The following PRKCH variants were observed in gnomAD, a reference collection of about 807,000 sequenced individuals.
PRKCH encodes protein kinase C eta, also known as protein kinase C eta type.
A neutral mutation model predicts 82.5 loss-of-function variants in PRKCH; 28 were observed. The observed-to-expected ratio is 0.34, with a 90% confidence interval of 0.25 to 0.47. The LOEUF is 0.47. PRKCH is among the 20% of genes least tolerant of loss of function. The pLI, the probability that PRKCH is intolerant of heterozygous loss-of-function variation, is 1.00. For synonymous variants in PRKCH, 322 were observed against 327.4 expected (o/e 0.98, Z 0.18); for missense variants, 705 against 881.8 (o/e 0.80, Z 2.54).
At chr14:61,512,239 T>A (rs1594775524) in intron 10 of PRKCH, among the ~76,000 whole-genome samples, 1 of 147,802 alleles carries the variant, frequency 6.8e-6, no homozygotes, top group Non-Finnish European at 1.5e-5. Context: ...GGGCAGATGA[T>A]CACATGACCC....
chr14:61,209,913 A>G (rs554655626), intron 1 of PRKCH, among the ~76,000 whole-genome samples: 1 of 151,226 alleles, frequency 6.6e-6, no homozygotes, highest in African/African-American at 2.4e-5. Flanking sequence ...GCAGTATTTG[A>G]TTTTCTGAGT....
At chr14:61,240,103 G>A (rs1161885701) in intron 1 of PRKCH, among the ~76,000 whole-genome samples, 3 of 152,138 alleles carry the variant, frequency 2.0e-5, no homozygotes, top group African/African-American at 7.2e-5. Flanking sequence ...ATGGTGATAC[G>A]GCTCCAGTGA....
At chr14:61,441,316 A>G (rs1353969297) in intron 2 of PRKCH, among the ~76,000 whole-genome samples, 1 of 152,200 alleles carries the variant, frequency 6.6e-6, no homozygotes, top group Non-Finnish European at 1.5e-5. Context: ...CCTGATTTCT[A>G]GATGGGAACC....
At position 61,346,969 on chromosome 14, in the gene PRKCH, T is replaced by C. The variant is rs138134687; in HGVS notation, c.363+24505T>C. 6.2e-3 allele frequency among the ~76,000 whole-genome samples: 947 copies of C among 151,952 alleles called. 6 individuals are homozygous for C. The highest frequency in any genetic ancestry group is 0.011 in the Non-Finnish European group (735 of 67,744). ...TGTTGATGTCCTCACAAGCATTGTT[T>C]AGGAATGGCTTAGGAATTTTACCGT... On this transcript the variant is annotated intron_variant, in intron 1 of 13. Coordinates refer to ENST00000332981, the MANE Select transcript of PRKCH (RefSeq NM_006255.5).
At chr14:61,360,984 G>T (rs543155713) in intron 1 of PRKCH, 2 of 152,350 alleles carry the variant, frequency 1.3e-5, no homozygotes, top group African/African-American at 4.8e-5. Flanking sequence ...AGCTACGCAC[G>T]GAAAGTAGGG....
At chr14:61,454,124 T>C (rs1460182123) in intron 7 of PRKCH, among the ~76,000 whole-genome samples, 1 of 152,072 alleles carries the variant, frequency 6.6e-6, no homozygotes, top group African/African-American at 2.4e-5. Context: ...CTATTTGTTT[T>C]TTGAGACAGA....
chr14:61,350,624 C>G (rs183546697), intron 1 of PRKCH, among the ~76,000 whole-genome samples: 4 of 152,126 alleles, frequency 2.6e-5, no homozygotes, highest in Non-Finnish European at 5.9e-5. Context: ...GAATATCCCC[C>G]CTCCCCCATG....
At chr14:61,225,193 GCATGGTTATTTGGATA>G (rs1007917082) in intron 1 of PRKCH, among the ~76,000 whole-genome samples, 3 of 152,198 alleles carry the variant, frequency 2.0e-5, no homozygotes, top group Admixed American at 2.0e-4. Context: ...GTGGCTCACA[GCATGGTTATTTGGATA>G]CATGCACACA....
chr14:61,499,601 G>A (rs976099293), intron 10 of PRKCH, among the ~76,000 whole-genome samples: 2 of 151,992 alleles, frequency 1.3e-5, no homozygotes, highest in Admixed American at 1.3e-4. Context: ...CCCTGTTCTT[G>A]GCATTTGCGT....
At chr14:61,247,350 A>G (rs971398588) in intron 1 of PRKCH, among the ~76,000 whole-genome samples, 38 of 152,054 alleles carry the variant, frequency 2.5e-4, no homozygotes, top group African/African-American at 8.0e-4. Context: ...TGTTCAATGT[A>G]TACCTCAGCC....
intron 10 of PRKCH, among the ~76,000 whole-genome samples, chr14:61,496,585 C>T (rs758352999): frequency 2.6e-4 from 39 of 152,130 alleles, no homozygotes; most frequent in Non-Finnish European, 4.0e-4. Context: ...GGTTAGGTGC[C>T]CCCTCTGTTC....
intron 1 of PRKCH, among the ~76,000 whole-genome samples, chr14:61,200,139 G>T (rs1272279208): frequency 6.6e-6 from 1 of 152,172 alleles, no homozygotes; most frequent in Non-Finnish European, 1.5e-5. Context: ...TTCTGCAAGT[G>T]GAGGGTGTTT....
chr14:61,522,670 C>T (rs1272109466), intron 10 of PRKCH, among the ~76,000 whole-genome samples: 2 of 152,222 alleles, frequency 1.3e-5, no homozygotes, highest in Non-Finnish European at 2.9e-5. Context: ...CCCATGTTTT[C>T]TCCTCATTGC....
rs527707001 is a variant in PRKCH at position 61,224,330 on chromosome 14, A to T, written c.-19+36662A>T. Among the ~76,000 whole-genome samples the T allele has an allele frequency of 6.9e-4, 105 of 152,286 alleles. 1 individual carries two copies. Among genetic ancestry groups the T allele is most frequent in the Admixed American group, 1.3e-3 (20 of 15,298 alleles). On this transcript the variant is annotated intron_variant, in intron 1 of 3. Coordinates refer to the PRKCH transcript ENST00000555185. ...TTATTATCTTATATGGTCATTGTGC[A>T]TTTGTCACAACTAAGAAGGAAGCAC...
At chr14:61,462,511 T>C (rs1885070324) in intron 9 of PRKCH, among the ~76,000 whole-genome samples, 1 of 152,268 alleles carries the variant, frequency 6.6e-6, no homozygotes, top group Admixed American at 6.5e-5. Context: ...GACTCCACAG[T>C]ACACATAGCA....
intron 1 of PRKCH, among the ~76,000 whole-genome samples, chr14:61,228,057 C>G (rs1037056797): frequency 3.3e-5 from 5 of 152,032 alleles, no homozygotes; most frequent in African/African-American, 1.2e-4. Flanking sequence ...TTTACATTGT[C>G]CCAAAGGAAG....
At chr14:61,387,246 A>C (rs1305378688) in intron 1 of PRKCH, among the ~76,000 whole-genome samples, 1 of 152,226 alleles carries the variant, frequency 6.6e-6, no homozygotes, top group Non-Finnish European at 1.5e-5. Flanking sequence ...ACTGATAGCC[A>C]GAGAGAAGGA....
intron 1 of PRKCH, among the ~76,000 whole-genome samples, chr14:61,220,399 C>T (rs1367572511): frequency 4.6e-5 from 7 of 152,252 alleles, no homozygotes; most frequent in Non-Finnish European, 1.0e-4. Context: ...AGCCCCAAAT[C>T]ATCCCTCATG....
intron 1 of PRKCH, among the ~76,000 whole-genome samples, chr14:61,274,422 T>G (rs1339241830): frequency 6.6e-6 from 1 of 152,166 alleles, no homozygotes; most frequent in Non-Finnish European, 1.5e-5. Context: ...ATGATAAGAC[T>G]TGTGTTTTAT....
Sources: gnomAD v4.1 joint callset for allele counts (sites outside exome capture counted in the v4.1 genomes callset) on GRCh38, gnomAD v4.1.1 for gene constraint, MANE v1.5 for transcripts, NCBI Gene and HGNC (gene_info 2026-07-23, HGNC 2026-07-21) for gene names.